Variants in TEX14 observed in about 807,000 individuals in gnomAD.
The protein encoded by TEX14 is inactive serine/threonine-protein kinase TEX14.
TEX14 carries 168 observed loss-of-function variants against 178.6 expected under a neutral mutation model. The ratio of observed to expected loss-of-function variants is 0.94; its 90% CI spans 0.83 to 1.07. TEX14 has a LOEUF of 1.07. Ranked by LOEUF, TEX14 falls within the 50% of genes least tolerant of loss-of-function variation. The probability of loss-of-function intolerance (pLI) is 0.00; values close to 1 mark genes in which losing one functional copy is unlikely to be tolerated. For missense variants in TEX14, 1,730 were observed against 1,753.6 expected, an observed-to-expected ratio of 0.99 and a Z score of 0.24; for synonymous variants, 626 against 634.1, an observed-to-expected ratio of 0.99 and a Z score of 0.19.
intron 15 of TEX14, 92 bp from the exon 16 acceptor site, chr17:58,588,113 A>G: frequency 1.5e-6 from 1 of 660,502 alleles, no homozygotes; most frequent in Non-Finnish European, 2.8e-6. Context: ...CTCTTGGGAG[A>G]TTTTCAGAGG....
chr17:58,564,610 T>C (rs1475648697), intron 28 of TEX14, among the ~76,000 whole-genome samples: 1 of 152,204 alleles, frequency 6.6e-6, no homozygotes, highest in Non-Finnish European at 1.5e-5. Flanking sequence ...TGAATATACT[T>C]ATTAAGGTTA....
chr17:58,581,449 G>T (rs922396614), intron 19 of TEX14, among the ~76,000 whole-genome samples: 1 of 151,930 alleles, frequency 6.6e-6, no homozygotes, highest in Non-Finnish European at 1.5e-5. Context: ...TTCAAAACAC[G>T]TATGAATGCA....
chr17:58,613,235 G>T (rs767299670), intron 9 of TEX14, among the ~76,000 whole-genome samples, 186 bp downstream of exon 9: 1 of 151,502 alleles, frequency 6.6e-6, no homozygotes, highest in Non-Finnish European at 1.5e-5. Flanking sequence ...TAATAAAACC[G>T]TACTAATTCT....
intron 10 of TEX14, 70 bp downstream of exon 10, chr17:58,611,091 C>A (rs1382712390): frequency 2.6e-6 from 3 of 1,149,938 alleles, no homozygotes. Flanking sequence ...AGATCAGATT[C>A]TGTCTCTATA....
chr17:58,565,089 C>A, intron 27 of TEX14, 121 bp from the exon 28 acceptor site: 1 of 512,068 alleles, frequency 2.0e-6, no homozygotes, highest in Non-Finnish European at 3.4e-6. Context: ...AATGCATTAG[C>A]TCCCCTCTTC....
At position 58,605,020 on chromosome 17, in the gene TEX14, C is replaced by T; in HGVS notation, c.1294G>A (p.Asp432Asn). ...ATGATCATAGAAAAGCTGTAGATGTCTGATTTCACTGTGGCTGCCTTCTGT... is the reference window on the plus strand; with the variant it reads ...ATGATCATAGAAAAGCTGTAGATGTTTGATTTCACTGTGGCTGCCTTCTGT... ...ILQKAATVKS[D>N]IYSFSMIMQE... Residue 432 changes from aspartate to asparagine, a missense_variant, in exon 11 of 32, where the codon GAC (aspartate) becomes AAC (asparagine). Physicochemically the swap from Asp to Asn is conservative, Grantham distance 23 (BLOSUM62 1). Coordinates refer to ENST00000349033, the MANE Select transcript of TEX14 (RefSeq NM_031272.5). 2 of 1,614,216 alleles carry T rather than the reference C, an allele frequency of 1.2e-6. No individual in the cohort carries two copies. The highest frequency in any genetic ancestry group is 1.7e-5 in the Admixed American group (1 of 60,018).
intron 1 of TEX14, chr17:58,661,585 T>C: frequency 1.4e-6 from 1 of 728,498 alleles, no homozygotes; most frequent in Non-Finnish European, 2.5e-6. Flanking sequence ...GGAACTCGTC[T>C]TCAGCAGCTG....
chr17:58,683,807 C>T (rs1274653746), intron 1 of TEX14, among the ~76,000 whole-genome samples: 1 of 151,402 alleles, frequency 6.6e-6, no homozygotes, highest in Non-Finnish European at 1.5e-5. Context: ...TGGTTCCCGC[C>T]TGTAATCCCA....
chr17:58,574,375 G>A lies in TEX14; in HGVS notation c.3321-126C>T, dbSNP rs1327151977. The A allele has an allele frequency of 8.5e-6, 6 of 706,492 alleles. No homozygotes were observed. The East Asian group carries it at 1.4e-4, about 16-fold the overall frequency. The allele number at this position is 706,492 out of a possible 1,614,324, so 43.8% of individuals were successfully genotyped here. A position where few individuals can be genotyped will look rare whatever the true frequency, so the allele number is the denominator to read the frequency against. ...GCAGAGGAAAGGGCACTAAGCTCAG[G>A]AGTAGAAAGTGTGAGTTCTGTGCCA... is the stretch of plus-strand genomic sequence containing the variant. On this transcript the variant is annotated intron_variant, in intron 21 of 31. Transcript: ENST00000349033.
intron 15 of TEX14, among the ~76,000 whole-genome samples, chr17:58,589,885 G>C (rs1278160250): frequency 1.3e-5 from 2 of 151,538 alleles, no homozygotes; most frequent in African/African-American, 4.9e-5. Flanking sequence ...TTTTTGGTAG[G>C]GATGAAGTCA....
rs555671824 is a variant in TEX14, at chr17:58,606,279, C to G, written c.1185-1150G>C. ...AAATGAGATCATGGATGTAGAAACA[C>G]TCGGTGAGCCATAAAGCGCTCTTTC... is the stretch of plus-strand genomic sequence containing the variant. On this transcript the variant is annotated intron_variant, in intron 10 of 31. Coordinates refer to ENST00000349033, the MANE Select transcript of TEX14 (RefSeq NM_031272.5). Among the ~76,000 whole-genome samples, 161 of 152,276 alleles carry G rather than the reference C, an allele frequency of 1.1e-3. 1 individual carries two copies. The highest frequency in any genetic ancestry group is 2.6e-3 in the Admixed American group (40 of 15,290).
intron 15 of TEX14, 68 bp downstream of exon 15, chr17:58,593,487 A>G: frequency 8.6e-7 from 1 of 1,158,562 alleles, no homozygotes; most frequent in South Asian, 1.2e-5. Flanking sequence ...AAGATCACTG[A>G]GTGGCCTCAG....
At chr17:58,678,732 GT>G (rs2047436371) in intron 1 of TEX14, among the ~76,000 whole-genome samples, 1 of 151,604 alleles carries the variant, frequency 6.6e-6, no homozygotes, top group Non-Finnish European at 1.5e-5. Flanking sequence ...TAAATGACGA[GT>G]TAATGGGTGC....
intron 2 of TEX14, among the ~76,000 whole-genome samples, chr17:58,646,413 TC>T (rs1353119459): frequency 1.3e-5 from 2 of 152,204 alleles, no homozygotes; most frequent in Non-Finnish European, 2.9e-5. Flanking sequence ...CCACTGGTTT[TC>T]CCGTCAACTC....
At chr17:58,631,427 C>T (rs1193550469) in intron 2 of TEX14, among the ~76,000 whole-genome samples, 3 of 152,066 alleles carry the variant, frequency 2.0e-5, no homozygotes, top group Non-Finnish European at 4.4e-5. Context: ...CACTCCAGGA[C>T]CACAGAAAAA....
chr17:58,685,601 T>C (rs1180876946), intron 1 of TEX14, among the ~76,000 whole-genome samples: 1 of 150,340 alleles, frequency 6.7e-6, no homozygotes, highest in Non-Finnish European at 1.5e-5. Flanking sequence ...AGGAAGCAAA[T>C]GGGAAAGAGG....
intron 20 of TEX14, among the ~76,000 whole-genome samples, chr17:58,578,651 A>C (rs2044736621): frequency 6.6e-6 from 1 of 152,182 alleles, no homozygotes; most frequent in African/African-American, 2.4e-5. Flanking sequence ...CATCCCACTC[A>C]ACTCACCTCC....
intron 3 of TEX14, among the ~76,000 whole-genome samples, chr17:58,627,847 G>A (rs2046182880): frequency 6.8e-6 from 1 of 147,404 alleles, no homozygotes; most frequent in Non-Finnish European, 1.5e-5. Context: ...ACTGCAGACT[G>A]TCCCAATATG....
intron 19 of TEX14, among the ~76,000 whole-genome samples, chr17:58,582,306 C>A (rs1261049655): frequency 6.6e-6 from 1 of 152,242 alleles, no homozygotes; most frequent in Admixed American, 6.5e-5. Flanking sequence ...GTCACTCAGA[C>A]TGGAGTGCAG....
Sources: allele counts gnomAD v4.1 joint callset (sites outside exome capture counted in the v4.1 genomes callset), GRCh38; gene constraint gnomAD v4.1.1; transcripts MANE v1.5; gene names NCBI Gene and HGNC (gene_info 2026-07-23, HGNC 2026-07-21).